ZNF746: variants seen among roughly 807,000 people sequenced by gnomAD.
ZNF746 encodes the protein zinc finger protein 746, also known as parkin-interacting substrate.
ZNF746 carries 13 observed loss-of-function variants against 41.0 expected under a neutral mutation model. That is an observed-to-expected ratio of 0.32 (90% CI 0.21 to 0.50). ZNF746 has a LOEUF of 0.50. Among genes scored for constraint, ZNF746 ranks in the 20% least tolerant of loss-of-function variants. ZNF746 has a pLI of 0.98. For missense variants in ZNF746, 811 were observed against 922.9 expected (o/e 0.88, Z 1.57); for synonymous variants, 424 against 396.2 (o/e 1.07, Z -0.83).
chr7:149,491,888 C>T, intron 4 of ZNF746: 1 of 701,350 alleles, frequency 1.4e-6, no homozygotes, highest in Non-Finnish European at 2.6e-6. Context: ...TCTCCTGTGT[C>T]CACCTGTCCT....
At chr7:149,491,639 G>A in intron 4 of ZNF746, 1 of 532,010 alleles carries the variant, frequency 1.9e-6, no homozygotes, top group Non-Finnish European at 3.4e-6. Context: ...CCTTAGGAAA[G>A]TGCAAATCTG....
intron 5 of ZNF746, among the ~76,000 whole-genome samples, chr7:149,477,360 G>C (rs1394623982): frequency 3.3e-5 from 5 of 152,174 alleles, no homozygotes; most frequent in African/African-American, 1.2e-4. Flanking sequence ...GGGCCAGAGA[G>C]ACACCCAGGG....
At chr7:149,491,994 T>C in intron 4 of ZNF746, 2 of 703,022 alleles carry the variant, frequency 2.8e-6, no homozygotes, top group Non-Finnish European at 5.2e-6. Flanking sequence ...GTGCTTCTAA[T>C]AATACCAAAC....
intron 1 of ZNF746, among the ~76,000 whole-genome samples, chr7:149,495,735 T>G (rs1255912800): frequency 6.6e-6 from 1 of 152,046 alleles, no homozygotes. Flanking sequence ...GCTCAAAAAA[T>G]AGAGACAAAA....
In ZNF746 at chr7:149,474,153, T is replaced by C. The variant is rs1472494972; in HGVS notation, c.*231A>G. The C allele has an allele frequency of 1.9e-6, 1 of 539,376 alleles. No individual in the cohort carries two copies. Among genetic ancestry groups the C allele is most frequent in the East Asian group, 3.1e-5 (1 of 31,800 alleles). 33.4% of individuals were successfully genotyped at this position (539,376 alleles called of 1,614,324 possible). A position where few individuals can be genotyped will look rare whatever the true frequency, so the allele number is the denominator to read the frequency against. The stretch of plus-strand genomic sequence containing the variant: ...ACAAAAAACAAAACAGGTTTGCAAT[T>C]AAATTACTTAAAATTCTACGGCGCT... On this transcript the variant is annotated 3_prime_UTR_variant, in exon 7 of 7. Transcript: ENST00000458143. This position sits in a 1 kb window ranked among gnomAD's most constrained non-coding sequence, Gnocchi z 6.3.
Position 149,475,438 on chromosome 7 carries a change from A to ACCT in ZNF746, c.926_928dup (p.Glu309dup). On this transcript the variant is annotated inframe_insertion, in exon 7 of 7. Coordinates refer to ENST00000458143, the MANE Select transcript of ZNF746 (RefSeq NM_001394198.1). ...AGTAGGATGTACGGGTGTGGCCACC[A>ACCT]CCTCCTCTTCCTGGACTTCTGTTTT... is the stretch of plus-strand genomic sequence containing the variant. The ACCT allele has an allele frequency of 1.2e-6, 2 of 1,613,480 alleles. No homozygotes were observed. Among genetic ancestry groups the ACCT allele is most frequent in the Non-Finnish European group, 1.7e-6 (2 of 1,179,804 alleles).
Position 149,475,478 on chromosome 7 carries a change from C to T in ZNF746, c.889G>A (p.Val297Ile), listed in dbSNP as rs1563248598. 1.2e-6 allele frequency: 2 copies of T among 1,611,202 alleles called. No homozygotes were observed. The highest frequency in any genetic ancestry group is 8.5e-7 in the Non-Finnish European group (1 of 1,178,002). ...ACTTCTGTTTTTATTACAATTTTTA[C>T]ATCTGCTGAGAAAGACAGAAAGACA... ...LNTAASTEAD[V>I]KIVIKTEVQE... Residue 297 changes from valine to isoleucine, a missense_variant, in exon 7 of 7, where the codon GTA becomes ATA. Coordinates refer to ENST00000458143, the MANE Select transcript of ZNF746 (RefSeq NM_001394198.1).
At chr7:149,478,296 C>T (rs1159910120) in intron 4 of ZNF746, among the ~76,000 whole-genome samples, 6 of 152,052 alleles carry the variant, frequency 3.9e-5, no homozygotes, top group Admixed American at 3.3e-4. Flanking sequence ...GGAGTGTGGC[C>T]GAGCCGCCTG....
chr7:149,476,986 G>A lies in ZNF746; in HGVS notation c.819C>T (p.Pro273=), dbSNP rs1800322317. The change falls in exon 6 of 7, where the codon CCC becomes CCT. Residue 273 remains proline (P), a synonymous_variant. Coordinates refer to ENST00000458143, the MANE Select transcript of ZNF746 (RefSeq NM_001394198.1). ...CCGAGCATGCTGAAGAGGGATGGTG[G>A]GGAGGGAGATCCGTTTGCCAGGAGG... ...PPTSWQTDLP[P]HHPSSACSDG... 1.2e-6 allele frequency: 2 copies of A among 1,613,888 alleles called. No individual in the cohort carries two copies. Among genetic ancestry groups the A allele is most frequent in the African/African-American group, 2.7e-5 (2 of 74,920 alleles).
In ZNF746 at chr7:149,475,127, C is replaced by T. The variant is rs1435501969; in HGVS notation, c.1240G>A (p.Glu414Lys). The T allele has an allele frequency of 6.2e-7, 1 of 1,611,822 alleles. No individual in the cohort carries two copies. Among genetic ancestry groups the T allele is most frequent in the Admixed American group, 1.7e-5 (1 of 59,826 alleles). ...PVGLNPRTGP[E>K]GLPYSSPDNG... Reference sequence around the variant, plus strand: ...TCCGGGGAGGAGTAAGGAAGCCCCTCGGGCCCCGTCCTCGGGTTCAGGCCC... The same window carrying T: ...TCCGGGGAGGAGTAAGGAAGCCCCTTGGGCCCCGTCCTCGGGTTCAGGCCC... Residue 414 changes from glutamate to lysine, a missense_variant, in exon 7 of 7, where the codon GAG becomes AAG. By Grantham distance (56) the Glu-to-Lys change is moderately conservative. Around this residue, in one of 4 missense-constraint regions of ZNF746, gnomAD observed 495 missense variants for 481.6 expected, o/e 1.03. Transcript: ENST00000458143.
chr7:149,477,825 C>A, intron 4 of ZNF746, 70 bp from the exon 5 acceptor site: 1 of 1,338,540 alleles, frequency 7.5e-7, no homozygotes, highest in Non-Finnish European at 1.0e-6. Flanking sequence ...ACGCATCCAG[C>A]CGGAGAGATA....
At chr7:149,488,195 G>A (rs1435858377) in intron 4 of ZNF746, 1 of 152,076 alleles carries the variant, frequency 6.6e-6, no homozygotes, top group Non-Finnish European at 1.5e-5. Context: ...CCATCGTTGT[G>A]GGAGAAAAAA....
In ZNF746 at chr7:149,474,700, C is replaced by T; in HGVS notation, c.1667G>A (p.Cys556Tyr). 6.2e-7 allele frequency: 1 copy of T among 1,612,922 alleles called. No homozygotes were observed. The highest frequency in any genetic ancestry group is 8.5e-7 in the Non-Finnish European group (1 of 1,179,756). Residue 556 changes from cysteine to tyrosine, a missense_variant, in exon 7 of 7, where the codon TGC becomes TAC. By Grantham distance (194) the Cys-to-Tyr change is radical. This residue lies in a region of ZNF746 where 70 missense variants were observed against 127.6 expected (regional missense o/e 0.55). Coordinates refer to ENST00000458143, the MANE Select transcript of ZNF746 (RefSeq NM_001394198.1). The surrounding 1 kb of genome is among the most constrained non-coding windows in gnomAD (Gnocchi z 6.3). ...GGTGAAGCGCTTCTCACACTCGGTG[C>T]AGGGGAAGGGCCGCTCGCCGGTGTG... ...MLHTGERPFPCTECEKRFTER... is the reference protein window; with the variant it reads ...MLHTGERPFPYTECEKRFTER...
At chr7:149,492,727 C>T (rs3953479) in intron 4 of ZNF746, 132 bp downstream of exon 4, 243 of 694,576 alleles carry the variant, frequency 3.5e-4, no homozygotes, top group African/African-American at 2.4e-3. Flanking sequence ...CTATAAAAAA[C>T]TCAAGACATA....
chr7:149,477,059 G>A lies in ZNF746; in HGVS notation c.758-12C>T, dbSNP rs1563249483. ...GTTGGAATGGACACCTGCGGTAAGGGGAGAGCAGAGCCGGTGGGTTAGGGG... is the reference window on the plus strand; with the variant it reads ...GTTGGAATGGACACCTGCGGTAAGGAGAGAGCAGAGCCGGTGGGTTAGGGG... On this transcript the variant is annotated splice_polypyrimidine_tract_variant and intron_variant, in intron 5 of 6. Coordinates refer to ENST00000458143, the MANE Select transcript of ZNF746 (RefSeq NM_001394198.1). 1 of 1,610,208 alleles carries A rather than the reference G, an allele frequency of 6.2e-7. No individual in the cohort carries two copies. The highest frequency in any genetic ancestry group is 1.1e-5 in the South Asian group (1 of 90,612).
intron 4 of ZNF746, chr7:149,487,903 A>G (rs1010214970): frequency 8.5e-5 from 13 of 152,216 alleles, no homozygotes; most frequent in Non-Finnish European, 4.4e-5. Context: ...GGAACTTGAC[A>G]TACAGATCCC....
In ZNF746 at chr7:149,473,861, C is replaced by T. The variant is rs1800183238; in HGVS notation, c.*523G>A. 6.1e-6 allele frequency: 1 copy of T among 164,220 alleles called. No homozygotes were observed. Among genetic ancestry groups the T allele is most frequent in the Non-Finnish European group, 1.3e-5 (1 of 74,108 alleles). The allele number at this position is 164,220 out of a possible 1,614,324, so 10.2% of individuals were successfully genotyped here. On this transcript the variant is annotated 3_prime_UTR_variant, in exon 7 of 7. Coordinates refer to ENST00000458143, the MANE Select transcript of ZNF746 (RefSeq NM_001394198.1). ...CTTCCTGCTGCACTGAGGTGTGCTC[C>T]AAGGGACCCAATGGCCCTCACTGCC...
At position 149,475,232 on chromosome 7, in the gene ZNF746, C is replaced by T. The variant is rs777494607; in HGVS notation, c.1135G>A (p.Ala379Thr). Residue 379 changes from alanine (A) to threonine (T), a missense_variant, in exon 7 of 7, where the codon GCC becomes ACC. Coordinates refer to ENST00000458143, the MANE Select transcript of ZNF746 (RefSeq NM_001394198.1). ...TCCCCAGGAGGGGTCTCCTCCTGGGCCACAGCAGGACTGAGCTCACCCATG... is the reference window on the plus strand; with the variant it reads ...TCCCCAGGAGGGGTCTCCTCCTGGGTCACAGCAGGACTGAGCTCACCCATG... ...RDMGELSPAV[A>T]QEETPPGDWL... The T allele has an allele frequency of 6.2e-7, 1 of 1,612,700 alleles. No individual in the cohort carries two copies. The highest frequency in any genetic ancestry group is 2.2e-5 in the East Asian group (1 of 44,782).
rs750458704 is a variant in ZNF746 at position 149,474,632 on chromosome 7, C to T, written c.1735G>A (p.Val579Met). 4.3e-6 allele frequency: 7 copies of T among 1,613,488 alleles called. No homozygotes were observed. In the Admixed American group the frequency reaches 8.3e-5, roughly 19 times the overall value. ...CAGACGGTGCAGGTGAAGGGCCGCA[C>T]GCCCGTGTGCGTTCGGTAGTGGTCG... The part of the protein sequence containing the change: ...LIDHYRTHTG[V>M]RPFTCTVCGK... Residue 579 changes from valine (V) to methionine (M), a missense_variant, in exon 7 of 7, where the codon GTG becomes ATG. Around this residue, in one of 4 missense-constraint regions of ZNF746, gnomAD observed 70 missense variants for 127.6 expected, o/e 0.55. Transcript: ENST00000458143. The surrounding 1 kb of genome is among the most constrained non-coding windows in gnomAD (Gnocchi z 6.3).
Sources: allele counts gnomAD v4.1 joint callset (sites outside exome capture counted in the v4.1 genomes callset), GRCh38; gene constraint gnomAD v4.1.1; regional missense constraint gnomAD v4.1.1; non-coding constraint Gnocchi (gnomAD v3.1); transcripts MANE v1.5; gene names NCBI Gene and HGNC (gene_info 2026-07-23, HGNC 2026-07-21).